Variants in PADI1 observed in about 807,000 individuals in gnomAD.
PADI1 encodes protein-arginine deiminase type-1.
Under a neutral mutation model 74.8 loss-of-function variants are expected in PADI1, and 65 were observed. The observed-to-expected ratio is 0.87, with a 90% CI of 0.71 to 1.07. PADI1 has a LOEUF of 1.07. Ranked by LOEUF, PADI1 falls within the 50% of genes least tolerant of loss-of-function variation. The pLI is 0.00. For missense variants in PADI1, 943 were observed against 854.0 expected, an observed-to-expected ratio of 1.10 and a Z score of -1.30; for synonymous variants, 371 against 336.2, an observed-to-expected ratio of 1.10 and a Z score of -1.13.
Position 17,244,101 on chromosome 1 carries a change from A to T in PADI1, c.1850A>T (p.Gln617Leu). The T allele has an allele frequency of 1.2e-6, 2 of 1,614,262 alleles. No individual in the cohort carries two copies. The highest frequency in any genetic ancestry group is 1.7e-5 in the Admixed American group (1 of 60,030). Residue 617 changes from glutamine to leucine, a missense_variant, in exon 16 of 16, where the codon CAG becomes CTG. Transcript: ENST00000375471. ...CGCTGCTGCCTGGAGGAGAAGGTGC[A>T]GTCCCTGCTGGAGCCTCTGGGCCTG... ...NGRCCLEEKV[Q>L]SLLEPLGLHC...
intron 1 of PADI1, among the ~76,000 whole-genome samples, chr1:17,209,067 T>A (rs2071764647): frequency 6.6e-6 from 1 of 152,178 alleles, no homozygotes; most frequent in South Asian, 2.1e-4. Context: ...TTTCTGGAAT[T>A]CTCTGTATTT....
In PADI1 at chr1:17,224,381, G is replaced by A. The variant is rs1320585677; in HGVS notation, c.361G>A (p.Val121Ile). Reference sequence around the variant, plus strand: ...TCTCTTTGCAGATATTTCCCTTGAGGTTGACACAGGCCGCACAGGCAAGGT... The same window carrying A: ...TCTCTTTGCAGATATTTCCCTTGAGATTGACACAGGCCGCACAGGCAAGGT... ...YLTGVDISLE[V>I]DTGRTGKVKR... The change falls in exon 4 of 16, where the codon GTT (valine) becomes ATT (isoleucine). Residue 121 changes from valine (V) to isoleucine (I), a missense_variant. Val to Ile is a conservative substitution (Grantham distance 29). Transcript: ENST00000375471. 1.9e-6 allele frequency: 3 copies of A among 1,613,924 alleles called. No homozygotes were observed. Among genetic ancestry groups the A allele is most frequent in the Non-Finnish European group, 2.5e-6 (3 of 1,179,906 alleles).
At chr1:17,229,184 A>G in intron 8 of PADI1, 133 bp downstream of exon 8, 1 of 667,760 alleles carries the variant, frequency 1.5e-6, no homozygotes, top group Non-Finnish European at 2.6e-6. Context: ...AGCTGGTGGC[A>G]GGACAGCAGC....
At position 17,229,035 on chromosome 1, in the gene PADI1, G is replaced by GAGCT; in HGVS notation, c.914_917dup (p.Tyr307AlafsTer14). On this transcript the variant is annotated frameshift_variant, in exon 8 of 16. Transcript: ENST00000375471. LOFTEE classifies it high-confidence loss of function. Reference sequence around the variant, plus strand: ...GACGCCCAACACTCAGCCTCCTGAGGAGCTGTATGTGTGCAGGTGAGGCTC... The same window carrying GAGCT: ...GACGCCCAACACTCAGCCTCCTGAGGAGCTAGCTGTATGTGTGCAGGTGAGGCTC... 2 of 1,569,704 alleles carry GAGCT rather than the reference G, an allele frequency of 1.3e-6. No individual in the cohort carries two copies. Among genetic ancestry groups the GAGCT allele is most frequent in the Non-Finnish European group, 8.7e-7 (1 of 1,155,488 alleles).
intron 1 of PADI1, among the ~76,000 whole-genome samples, chr1:17,213,215 T>TA (rs747068713): frequency 2.1e-4 from 5 of 23,406 alleles, no homozygotes; most frequent in Non-Finnish European, 4.0e-4. Context: ...CAGGGAAAAG[T>TA]AAAAAAAGAA....
At chr1:17,208,615 A>G (rs994511444) in intron 1 of PADI1, among the ~76,000 whole-genome samples, 4 of 137,180 alleles carry the variant, frequency 2.9e-5, no homozygotes, top group Admixed American at 7.7e-5. Flanking sequence ...CCAGAGGGCT[A>G]GCTCACCATC....
intron 8 of PADI1, among the ~76,000 whole-genome samples, 159 bp from the exon 9 acceptor site, chr1:17,229,926 T>C (rs565972610): frequency 1.3e-5 from 2 of 152,254 alleles, no homozygotes; most frequent in Non-Finnish European, 2.9e-5. Flanking sequence ...TCTGGAGACT[T>C]TATCCATCTT....
chr1:17,238,637 A>G lies in PADI1; in HGVS notation c.1480A>G (p.Ser494Gly). Residue 494 changes from serine (S) to glycine (G), a missense_variant, in exon 13 of 16, where the codon AGC becomes GGC. Physicochemically the swap from Ser to Gly is moderately conservative, Grantham distance 56. Transcript: ENST00000375471. ...CCAGGGCTTCCGGCTGCTCCTGGCT[A>G]GCCCCAGCGCTTGCCTCAAACTCTT... is the stretch of plus-strand genomic sequence containing the variant. ...DQKGFRLLLASPSACLKLFQE... is the reference protein window; with the variant it reads ...DQKGFRLLLAGPSACLKLFQE... 1 of 1,537,532 alleles carries G rather than the reference A, an allele frequency of 6.5e-7. No homozygotes were observed. Among genetic ancestry groups the G allele is most frequent in the Non-Finnish European group, 8.8e-7 (1 of 1,134,970 alleles).
intron 15 of PADI1, among the ~76,000 whole-genome samples, chr1:17,240,966 G>A (rs1037682777): frequency 6.6e-6 from 1 of 152,194 alleles, no homozygotes; most frequent in Admixed American, 6.5e-5. Context: ...CCGCAGTGAG[G>A]TGCATGCCCC....
At chr1:17,224,058 A>G (rs2072241159) in intron 3 of PADI1, among the ~76,000 whole-genome samples, 1 of 152,354 alleles carries the variant, frequency 6.6e-6, no homozygotes. Context: ...CTGCAACCTC[A>G]GGCCATGTCC....
chr1:17,208,147 C>A (rs567112997), intron 1 of PADI1, among the ~76,000 whole-genome samples: 5 of 152,310 alleles, frequency 3.3e-5, no homozygotes, highest in Admixed American at 2.6e-4. Flanking sequence ...AGGGGGGAAG[C>A]CCCCAGAAGA....
intron 1 of PADI1, among the ~76,000 whole-genome samples, chr1:17,206,703 T>TTTTTTC (rs2071694404): frequency 6.9e-6 from 1 of 144,482 alleles, no homozygotes; most frequent in Non-Finnish European, 1.5e-5. Flanking sequence ...TTTTTTTTTT[T>TTTTTTC]TGAGATGGAG....
chr1:17,218,276 TTACATTATGTGC>T (rs1157037508), intron 1 of PADI1, among the ~76,000 whole-genome samples: 2 of 152,174 alleles, frequency 1.3e-5, no homozygotes, highest in Non-Finnish European at 2.9e-5. Context: ...ACTATTATTT[TTACATTATGTGC>T]TACACACTAT....
chr1:17,241,050 C>CT (rs998743467), intron 15 of PADI1, among the ~76,000 whole-genome samples: 9 of 150,764 alleles, frequency 6.0e-5, no homozygotes, highest in East Asian at 1.9e-4. Flanking sequence ...CCACAAAGCA[C>CT]TTTTTTTTTT....
intron 1 of PADI1, among the ~76,000 whole-genome samples, chr1:17,216,991 G>T (rs1043922741): frequency 1.3e-5 from 2 of 149,388 alleles, no homozygotes; most frequent in Non-Finnish European, 3.0e-5. Context: ...AAGGGAGTGG[G>T]TGTAGACAGA....
At position 17,244,486 on chromosome 1, in the gene PADI1, C is replaced by A. The variant is rs1411091579; in HGVS notation, c.*243C>A. The A allele has an allele frequency of 1.6e-6, 1 of 618,758 alleles. No homozygotes were observed. The highest frequency in any genetic ancestry group is 1.8e-5 in the African/African-American group (1 of 55,440). The allele number at this position is 618,758 out of a possible 1,614,324, so 38.3% of individuals were successfully genotyped here. A position where few individuals can be genotyped will look rare whatever the true frequency, so the allele number is the denominator to read the frequency against. ...TGGCCTCTTTCCCACCCACAGCCCC[C>A]AGAGGCTCTAGATCAACAATGTTAG... On this transcript the variant is annotated 3_prime_UTR_variant, in exon 16 of 16. Coordinates refer to ENST00000375471, the MANE Select transcript of PADI1 (RefSeq NM_013358.3).
intron 1 of PADI1, 35 bp downstream of exon 1, chr1:17,205,344 A>T: frequency 2.6e-6 from 4 of 1,561,662 alleles, no homozygotes; most frequent in Non-Finnish European, 2.6e-6. Context: ...GGCTGCAGAG[A>T]GCTGGGTTAG....
rs771661520 is a variant in PADI1 at position 17,224,469 on chromosome 1, G to C, written c.408+41G>C. The C allele has an allele frequency of 4.0e-6, 6 of 1,509,614 alleles. No homozygotes were observed. In the East Asian group the frequency reaches 1.4e-4, roughly 35 times the overall value. The allele number at this position is 1,509,614 out of a possible 1,614,324, so 93.5% of individuals were successfully genotyped here. On this transcript the variant is annotated intron_variant, in intron 4 of 15. Transcript: ENST00000375471. Reference sequence around the variant, plus strand: ...GCACCCCAAGGCTGCGGGGTTGAAAGGCAAACTTGGGGTGGTCCCGGGTGG... The same window carrying C: ...GCACCCCAAGGCTGCGGGGTTGAAACGCAAACTTGGGGTGGTCCCGGGTGG...
rs2072491725 is a variant in PADI1 at position 17,231,600 on chromosome 1, C to G, written c.1161+921C>G. On this transcript the variant is annotated intron_variant, in intron 10 of 15. Coordinates refer to ENST00000375471, the MANE Select transcript of PADI1 (RefSeq NM_013358.3). Reference sequence around the variant, plus strand: ...CAGGGCCAGCGTGCTGGAGGGGGACCCACCTGACCTGCCCCGGGCTTGGCC... The same window carrying G: ...CAGGGCCAGCGTGCTGGAGGGGGACGCACCTGACCTGCCCCGGGCTTGGCC... Among the ~76,000 whole-genome samples, 2 of 152,146 alleles carry G rather than the reference C, an allele frequency of 1.3e-5. 1 individual carries two copies. The highest frequency in any genetic ancestry group is 4.1e-4 in the South Asian group (2 of 4,832).
Sources: gnomAD v4.1 joint callset for allele counts (sites outside exome capture counted in the v4.1 genomes callset) on GRCh38, gnomAD v4.1.1 for gene constraint, MANE v1.5 for transcripts, NCBI Gene and HGNC (gene_info 2026-07-23, HGNC 2026-07-21) for gene names.